Variants in AIDA observed in about 807,000 individuals in gnomAD.
AIDA encodes axin interactor, dorsalization associated, also known as axin interactor, dorsalization-associated protein.
AIDA carries 18 observed loss-of-function variants against 42.7 expected under a neutral mutation model. The observed-to-expected ratio is 0.42, with a 90% confidence interval of 0.29 to 0.63. The LOEUF is 0.63. Ranked by LOEUF, AIDA falls within the 20% of genes least tolerant of loss-of-function variation. The pLI is 0.19. For synonymous variants in AIDA, 104 were observed against 122.9 expected, an observed-to-expected ratio of 0.85 and a Z score of 1.02; for missense variants, 250 against 354.1, an observed-to-expected ratio of 0.71 and a Z score of 2.36.
chr1:222,708,181 C>A (rs1419122161), intron 1 of AIDA, among the ~76,000 whole-genome samples: 1 of 151,580 alleles, frequency 6.6e-6, no homozygotes. Flanking sequence ...TGTGGTGGCA[C>A]GCGCCTGTAG....
Position 222,669,079 on chromosome 1 carries a change from G to A in AIDA, c.*814C>T, listed in dbSNP as rs1478203620. The A allele has an allele frequency of 6.6e-6, 1 of 151,652 alleles. No individual in the cohort carries two copies. Among genetic ancestry groups the A allele is most frequent in the Non-Finnish European group, 1.5e-5 (1 of 67,940 alleles). The allele number at this position is 151,652 out of a possible 1,614,324, so 9.4% of individuals were successfully genotyped here. On this transcript the variant is annotated 3_prime_UTR_variant, in exon 10 of 10. Coordinates refer to ENST00000340020, the MANE Select transcript of AIDA (RefSeq NM_022831.4). ...TTAGCATCTGACTCAATTATTTTTA[G>A]ATTACATTGTTTAGAAGACATTGTA...
intron 6 of AIDA, among the ~76,000 whole-genome samples, chr1:222,683,422 A>C (rs1488324806): frequency 1.3e-5 from 2 of 152,226 alleles, no homozygotes; most frequent in Non-Finnish European, 2.9e-5. Context: ...TCAACTCAGA[A>C]TTGAATAGTT....
At chr1:222,678,844 T>C (rs1664602416) in intron 6 of AIDA, among the ~76,000 whole-genome samples, 1 of 152,206 alleles carries the variant, frequency 6.6e-6, no homozygotes, top group Admixed American at 6.5e-5. Flanking sequence ...TCTGGCTAGA[T>C]TACCTTTGCT....
Position 222,673,412 on chromosome 1 carries a change from G to C in AIDA, c.607C>G (p.Pro203Ala). ...GAAGCCACAGGAGTATCTTGCACAG[G>C]AGTTAAGTCTATGCCATTCAGATCT... Reference protein sequence around the residue: ...VKDLNGIDLTPVQDTPVASRK... With the variant: ...VKDLNGIDLTAVQDTPVASRK... Residue 203 changes from proline to alanine, a missense_variant, in exon 8 of 10, where the codon CCT (proline) becomes GCT (alanine). Around this residue, in one of 4 missense-constraint regions of AIDA, gnomAD observed 199 missense variants for 232.6 expected, o/e 0.86. Coordinates refer to ENST00000340020, the MANE Select transcript of AIDA (RefSeq NM_022831.4). The C allele has an allele frequency of 6.2e-7, 1 of 1,603,360 alleles. No individual in the cohort carries two copies. The highest frequency in any genetic ancestry group is 2.2e-5 in the East Asian group (1 of 44,648).
At chr1:222,702,034 A>G (rs1042026294) in intron 2 of AIDA, among the ~76,000 whole-genome samples, 31 of 152,210 alleles carry the variant, frequency 2.0e-4, no homozygotes, top group Non-Finnish European at 3.7e-4. Context: ...AAAAAAAAAA[A>G]AAATTCTTTT....
At chr1:222,693,564 T>C (rs748467027) in intron 4 of AIDA, among the ~76,000 whole-genome samples, 5 of 152,090 alleles carry the variant, frequency 3.3e-5, no homozygotes, top group Non-Finnish European at 7.4e-5. Flanking sequence ...TAAAGGCTAA[T>C]ACATATTTAG....
chr1:222,671,061 CA>C (rs921021664), intron 8 of AIDA, among the ~76,000 whole-genome samples: 2 of 151,522 alleles, frequency 1.3e-5, no homozygotes, highest in African/African-American at 4.9e-5. Context: ...CCCACCTCTA[CA>C]AAAAAAATTT....
intron 1 of AIDA, among the ~76,000 whole-genome samples, chr1:222,705,403 C>T (rs1015642625): frequency 2.0e-5 from 3 of 152,194 alleles, no homozygotes; most frequent in Non-Finnish European, 4.4e-5. Flanking sequence ...ATCAACTATA[C>T]ATCCCTGAAC....
chr1:222,700,646 T>G (rs1453903249), intron 2 of AIDA, among the ~76,000 whole-genome samples: 1 of 151,454 alleles, frequency 6.6e-6, no homozygotes, highest in Non-Finnish European at 1.5e-5. Flanking sequence ...TCCCAGCTAC[T>G]CGGGAGGCTG....
At chr1:222,675,442 CCA>C (rs1170233106) in intron 7 of AIDA, among the ~76,000 whole-genome samples, 3 of 152,168 alleles carry the variant, frequency 2.0e-5, no homozygotes, top group Non-Finnish European at 1.5e-5. Context: ...AAATGAACTG[CCA>C]CACTGGATAG....
chr1:222,684,116 CTTT>C (rs1204032605), intron 6 of AIDA, among the ~76,000 whole-genome samples: 1 of 144,778 alleles, frequency 6.9e-6, no homozygotes, highest in African/African-American at 2.5e-5. Flanking sequence ...GAATGAATTT[CTTT>C]TTTTTTTTTG....
intron 2 of AIDA, among the ~76,000 whole-genome samples, chr1:222,701,352 C>T (rs903369414): frequency 6.6e-6 from 1 of 152,086 alleles, no homozygotes; most frequent in Non-Finnish European, 1.5e-5. Flanking sequence ...TATACCTCAG[C>T]AATATATGTT....
chr1:222,672,801 C>T (rs956394035), intron 8 of AIDA, among the ~76,000 whole-genome samples: 2 of 152,226 alleles, frequency 1.3e-5, no homozygotes, highest in Non-Finnish European at 2.9e-5. Context: ...TTGGAGAACA[C>T]TCAAATTTCC....
intron 6 of AIDA, among the ~76,000 whole-genome samples, chr1:222,677,137 C>A (rs546068361): frequency 1.3e-5 from 2 of 152,066 alleles, no homozygotes; most frequent in East Asian, 1.9e-4. Context: ...TTATAAGATA[C>A]TTGATATTTT....
chr1:222,712,429 C>A lies in AIDA; in HGVS notation c.-112G>T, dbSNP rs1571950084. 9.0e-6 allele frequency: 13 copies of A among 1,438,318 alleles called. No individual in the cohort carries two copies. The highest frequency in any genetic ancestry group is 1.2e-5 in the Non-Finnish European group (13 of 1,096,776). The allele number at this position is 1,438,318 out of a possible 1,614,324, so 89.1% of individuals were successfully genotyped here. Reference sequence around the variant, plus strand: ...TTAACAGGGCCAGGAGGAACCGCTACGGCCACCACCGCCACCCGCCGAGGA... The same window carrying A: ...TTAACAGGGCCAGGAGGAACCGCTAAGGCCACCACCGCCACCCGCCGAGGA... On this transcript the variant is annotated 5_prime_UTR_variant, in exon 1 of 10. Coordinates refer to ENST00000340020, the MANE Select transcript of AIDA (RefSeq NM_022831.4).
intron 6 of AIDA, among the ~76,000 whole-genome samples, chr1:222,677,872 CA>C (rs1310387031): frequency 6.6e-6 from 1 of 151,920 alleles, no homozygotes; most frequent in Non-Finnish European, 1.5e-5. Context: ...TTACTATTAC[CA>C]AAAACACCTC....
In AIDA at chr1:222,687,307, T is replaced by C. The variant is rs1412289223; in HGVS notation, c.354-271A>G. ...TTAGCTGGGCGTGGCATCGTGCACA[T>C]GTAATCCCAGTTACTTGGGAGGCTG... On this transcript the variant is annotated intron_variant, in intron 5 of 9. Coordinates refer to ENST00000340020, the MANE Select transcript of AIDA (RefSeq NM_022831.4). 3.3e-5 allele frequency among the ~76,000 whole-genome samples: 5 copies of C among 152,170 alleles called. No individual in the cohort carries two copies. The East Asian group carries it at 9.7e-4, about 29-fold the overall frequency.
intron 6 of AIDA, among the ~76,000 whole-genome samples, chr1:222,683,279 G>A (rs1019942453): frequency 1.3e-5 from 2 of 152,116 alleles, no homozygotes; most frequent in African/African-American, 2.4e-5. Context: ...CACAAAAAAG[G>A]AAAGCCCTGA....
rs1284537827 is a variant in AIDA at position 222,693,842 on chromosome 1, G to T, written c.236C>A (p.Ser79Tyr). Residue 79 changes from serine (S) to tyrosine (Y), a missense_variant and splice_region_variant, in exon 4 of 10, where the codon TCC becomes TAC. Physicochemically the swap from Ser to Tyr is moderately radical, Grantham distance 144. This residue lies in a region of AIDA where 199 missense variants were observed against 232.6 expected (regional missense o/e 0.86). Transcript: ENST00000340020. ...TTTAAATTCTTCTTGAGACTGTGTG[G>T]ACTAAATTTAAAATAAGCATATTAC... ...CLELRSAALQ[S>Y]TQSQEEFKLE... 1 of 1,605,846 alleles carries T rather than the reference G, an allele frequency of 6.2e-7. No homozygotes were observed. The highest frequency in any genetic ancestry group is 8.5e-7 in the Non-Finnish European group (1 of 1,174,172).
Sources: gnomAD v4.1 joint callset for allele counts (sites outside exome capture counted in the v4.1 genomes callset) on GRCh38, gnomAD v4.1.1 for gene constraint, gnomAD v4.1.1 regional missense constraint, MANE v1.5 for transcripts, NCBI Gene and HGNC (gene_info 2026-07-23, HGNC 2026-07-21) for gene names.